ENTREP1: variants seen among roughly 807,000 people sequenced by gnomAD.
The protein encoded by ENTREP1 is Friedreich ataxia region gene X123.
the ENTREP1 span, among the ~76,000 whole-genome samples, chr9:69,333,867 A>G: frequency 6.6e-6 from 1 of 152,216 alleles, no homozygotes; most frequent in Non-Finnish European, 1.5e-5. Context: ...GGATACACAC[A>G]TGCACACACA....
At chr9:69,390,010 CAGA>C in the ENTREP1 span, among the ~76,000 whole-genome samples, 7 of 152,200 alleles carry the variant, frequency 4.6e-5, no homozygotes, top group Non-Finnish European at 8.8e-5. Context: ...GTAAGGACAG[CAGA>C]AGGAGACCAG....
At chr9:69,336,157 G>A in the ENTREP1 span, 7 of 898,636 alleles carry the variant, frequency 7.8e-6, no homozygotes, top group Non-Finnish European at 1.2e-5. Context: ...TGTGACTGAG[G>A]ATTTGTTTAT....
the ENTREP1 span, among the ~76,000 whole-genome samples, chr9:69,355,579 A>G: frequency 6.6e-6 from 1 of 152,230 alleles, no homozygotes; most frequent in African/African-American, 2.4e-5. Flanking sequence ...CCAATTATCC[A>G]TGACTGACTG....
the ENTREP1 span, among the ~76,000 whole-genome samples, chr9:69,340,848 T>TTTCC: frequency 6.6e-6 from 1 of 152,102 alleles, no homozygotes; most frequent in South Asian, 2.1e-4. Context: ...GGTTGTGTGT[T>TTTCC]TTCCATAAAG....
the ENTREP1 span, chr9:69,392,303 A>T: frequency 3.1e-5 from 5 of 159,630 alleles, no homozygotes; most frequent in Admixed American, 3.0e-4. Flanking sequence ...CCCTCAAATC[A>T]CACTCTCTTT....
the ENTREP1 span, among the ~76,000 whole-genome samples, chr9:69,326,572 G>C: frequency 0.078 from 11,933 of 152,050 alleles, 581 homozygotes; most frequent in African/African-American, 0.12. Context: ...ACACCGGGTG[G>C]CCACTCCCCC....
chr9:69,340,683 ATGTG>A, the ENTREP1 span, among the ~76,000 whole-genome samples: 3 of 27,152 alleles, frequency 1.1e-4, no homozygotes, highest in African/African-American at 4.0e-4. Context: ...GTGTGCATGC[ATGTG>A]TGTGTGTATG....
At chr9:69,353,194 C>A in the ENTREP1 span, among the ~76,000 whole-genome samples, 1 of 152,182 alleles carries the variant, frequency 6.6e-6, no homozygotes, top group African/African-American at 2.4e-5. Context: ...CACCCCAAGG[C>A]AGATTATTTC....
At chr9:69,350,406 G>GA in the ENTREP1 span, among the ~76,000 whole-genome samples, 1 of 152,040 alleles carries the variant, frequency 6.6e-6, no homozygotes, top group African/African-American at 2.4e-5. Flanking sequence ...TTATGTATCT[G>GA]GCTTCTTGAT....
At chr9:69,380,979 C>G in the ENTREP1 span, 1 of 152,236 alleles carries the variant, frequency 6.6e-6, no homozygotes, top group African/African-American at 2.4e-5. Context: ...CCCTCTCTCC[C>G]CCTCTGCAGG....
At chr9:69,375,166 A>G in the ENTREP1 span, among the ~76,000 whole-genome samples, 1 of 152,232 alleles carries the variant, frequency 6.6e-6, no homozygotes, top group Non-Finnish European at 1.5e-5. Flanking sequence ...TCTATGTTAT[A>G]TGGTGTGTGC....
chr9:69,377,113 G>A, the ENTREP1 span, among the ~76,000 whole-genome samples: 28 of 152,240 alleles, frequency 1.8e-4, no homozygotes, highest in Non-Finnish European at 3.4e-4. Context: ...ATCATACCAC[G>A]TTGTTCTGTG....
chr9:69,373,375 C>T, the ENTREP1 span, among the ~76,000 whole-genome samples: 2 of 152,130 alleles, frequency 1.3e-5, no homozygotes, highest in Non-Finnish European at 2.9e-5. Flanking sequence ...ATACCTGTCA[C>T]CCCAAATCCT....
the ENTREP1 span, among the ~76,000 whole-genome samples, chr9:69,367,730 A>T: frequency 0.02 from 1,026 of 51,116 alleles, 12 homozygotes; most frequent in Non-Finnish European, 0.037. Flanking sequence ...TATATATAAA[A>T]ATATATATAT....
the ENTREP1 span, chr9:69,324,753 T>C: frequency 1.0e-6 from 1 of 985,608 alleles, no homozygotes; most frequent in Non-Finnish European, 1.2e-6. Context: ...TCCCCCTCCT[T>C]GGGCAAAAGT....
the ENTREP1 span, among the ~76,000 whole-genome samples, chr9:69,370,655 A>G: frequency 6.6e-6 from 1 of 152,234 alleles, no homozygotes; most frequent in Non-Finnish European, 1.5e-5. Flanking sequence ...AATGCTTTCA[A>G]GCTTGACTTG....
the ENTREP1 span, chr9:69,371,662 GTGTT>G: frequency 1.6e-6 from 2 of 1,221,534 alleles, no homozygotes; most frequent in Non-Finnish European, 2.4e-6. Flanking sequence ...GGCTTGTCAG[GTGTT>G]CCTGGCGAGA....
At chr9:69,369,165 C>CT in the ENTREP1 span, among the ~76,000 whole-genome samples, 2 of 152,142 alleles carry the variant, frequency 1.3e-5, no homozygotes, top group Admixed American at 6.5e-5. Context: ...TGAACTCATT[C>CT]TTTTTTGTGG....
At chr9:69,384,233 C>G in the ENTREP1 span, among the ~76,000 whole-genome samples, 1 of 152,042 alleles carries the variant, frequency 6.6e-6, no homozygotes, top group African/African-American at 2.4e-5. Flanking sequence ...ATGATCCTGT[C>G]TGGTATTGTG....
Sources: gnomAD v4.1 joint callset for allele counts (sites outside exome capture counted in the v4.1 genomes callset) on GRCh38, gnomAD v4.1.1 for gene constraint, MANE v1.5 for transcripts, NCBI Gene and HGNC (gene_info 2026-07-23, HGNC 2026-07-21) for gene names.